The following DSG4 variants were observed in gnomAD, a reference collection of about 807,000 sequenced individuals.
DSG4 encodes desmoglein-4.
Under a neutral mutation model 93.1 loss-of-function variants are expected in DSG4, and 87 were observed. That is an observed-to-expected ratio of 0.93 (90% confidence interval 0.79 to 1.12). DSG4 has a LOEUF of 1.12. Among genes scored for constraint, DSG4 ranks in the 50% most tolerant of loss-of-function variants. The pLI, the probability that DSG4 is intolerant of heterozygous loss-of-function variation, is 0.00. For missense variants in DSG4, 1,373 were observed against 1,285.7 expected, an observed-to-expected ratio of 1.07 and a Z score of -1.04; for synonymous variants, 432 against 452.9, an observed-to-expected ratio of 0.95 and a Z score of 0.59.
chr18:31,398,321 A>G (rs555258989), intron 8 of DSG4, among the ~76,000 whole-genome samples: 8 of 152,328 alleles, frequency 5.3e-5, no homozygotes, highest in Non-Finnish European at 7.3e-5. Context: ...ATGCTGAGCC[A>G]TCTCCAAAGA....
chr18:31,385,021 A>G (rs2144166000), intron 1 of DSG4, 115 bp from the exon 2 acceptor site: 1 of 949,598 alleles, frequency 1.1e-6, no homozygotes, highest in East Asian at 2.6e-5. Flanking sequence ...TCACATCATC[A>G]ACAAAATGTA....
intron 12 of DSG4, among the ~76,000 whole-genome samples, chr18:31,408,500 A>G (rs982338388): frequency 1.3e-5 from 2 of 152,230 alleles, no homozygotes; most frequent in Non-Finnish European, 1.5e-5. Flanking sequence ...TTGTAATAAG[A>G]CTAAAGCTGA....
chr18:31,395,069 G>T (rs1268696479), intron 8 of DSG4, among the ~76,000 whole-genome samples: 1 of 152,066 alleles, frequency 6.6e-6, no homozygotes, highest in Non-Finnish European at 1.5e-5. Flanking sequence ...CAAAATTTGA[G>T]AATAGTATTG....
In DSG4 at chr18:31,400,870, T is replaced by C; in HGVS notation, c.1278-11T>C. ...AAAAGCATGATAACGAACTTTTTTA[T>C]TTAAAAACAGATATATCATAGGGCA... On this transcript the variant is annotated splice_polypyrimidine_tract_variant and intron_variant, in intron 9 of 15. Coordinates refer to ENST00000308128, the MANE Select transcript of DSG4 (RefSeq NM_177986.5). The C allele has an allele frequency of 5.6e-6, 9 of 1,611,336 alleles. No individual in the cohort carries two copies. Among genetic ancestry groups the C allele is most frequent in the Non-Finnish European group, 7.6e-6 (9 of 1,178,506 alleles).
At position 31,413,327 on chromosome 18, in the gene DSG4, T is replaced by C. The variant is rs556031177; in HGVS notation, c.2855T>C (p.Val952Ala). ...TATGATATTCAAGGGAATATTTGTGTACCTGCTGAGTTAGCAGATTACAAC... is the reference window on the plus strand; with the variant it reads ...TATGATATTCAAGGGAATATTTGTGCACCTGCTGAGTTAGCAGATTACAAC... ...PVYDIQGNICVPAELADYNNV... is the reference protein window; with the variant it reads ...PVYDIQGNICAPAELADYNNV... Residue 952 changes from valine (V) to alanine (A), a missense_variant, in exon 16 of 16, where the codon GTA becomes GCA. By Grantham distance (64) the Val-to-Ala change is moderately conservative (BLOSUM62 0). Coordinates refer to ENST00000308128, the MANE Select transcript of DSG4 (RefSeq NM_177986.5). 3.1e-6 allele frequency: 5 copies of C among 1,614,170 alleles called. No individual in the cohort carries two copies. Among genetic ancestry groups the C allele is most frequent in the Non-Finnish European group, 4.2e-6 (5 of 1,180,034 alleles).
intron 8 of DSG4, among the ~76,000 whole-genome samples, chr18:31,393,370 G>A (rs1315886666): frequency 2.0e-5 from 3 of 152,152 alleles, no homozygotes; most frequent in African/African-American, 7.2e-5. Context: ...AGGTTCAGTT[G>A]AATCACCATT....
chr18:31,388,065 G>C (rs190461452), intron 3 of DSG4, among the ~76,000 whole-genome samples: 1 of 152,100 alleles, frequency 6.6e-6, no homozygotes, highest in South Asian at 2.1e-4. Context: ...CTATTTCTGC[G>C]TATGCTAAAA....
chr18:31,396,676 A>C (rs2072309947), intron 8 of DSG4, among the ~76,000 whole-genome samples: 1 of 152,042 alleles, frequency 6.6e-6, no homozygotes, highest in Admixed American at 6.6e-5. Flanking sequence ...TTTTTAGAGA[A>C]AGTGAAACAA....
rs558909982 is a variant in DSG4 at position 31,376,870 on chromosome 18, A to T, written c.-42A>T. 6.2e-7 allele frequency: 1 copy of T among 1,612,264 alleles called. No homozygotes were observed. The highest frequency in any genetic ancestry group is 1.3e-5 in the African/African-American group (1 of 74,998). ...CGGAACTGAGAAGACGAGGGCTCAAATTGAATCTCACAGGATTTGCGTGCA... is the reference window on the plus strand; with the variant it reads ...CGGAACTGAGAAGACGAGGGCTCAATTTGAATCTCACAGGATTTGCGTGCA... On this transcript the variant is annotated 5_prime_UTR_variant, in exon 1 of 16. Coordinates refer to ENST00000308128, the MANE Select transcript of DSG4 (RefSeq NM_177986.5).
chr18:31,389,273 T>G (rs368808933), intron 5 of DSG4, among the ~76,000 whole-genome samples: 3 of 152,290 alleles, frequency 2.0e-5, no homozygotes, highest in East Asian at 3.9e-4. Flanking sequence ...GCTTAAAGAT[T>G]GCTACTGGGC....
rs1275570472 is a variant in DSG4 at position 31,392,158 on chromosome 18, T to A, written c.823T>A (p.Ser275Thr). ...AAAATTGATCCTTGCATTTTAGTAC[T>A]CAGCCAGTATTGAAGAGAATTGTTT... ...NFPTLEKTSY[S>T]ASIEENCLSS... The change falls in exon 8 of 16, where the codon TCA becomes ACA. Residue 275 changes from serine to threonine, a missense_variant. Transcript: ENST00000308128. 1.2e-6 allele frequency: 2 copies of A among 1,613,610 alleles called. No individual in the cohort carries two copies. The highest frequency in any genetic ancestry group is 1.7e-6 in the Non-Finnish European group (2 of 1,179,724).
rs1341922520 is a variant in DSG4 at position 31,399,352 on chromosome 18, T to C, written c.1086T>C (p.Ala362=). 1 of 1,614,136 alleles carries C rather than the reference T, an allele frequency of 6.2e-7. No homozygotes were observed. The highest frequency in any genetic ancestry group is 1.1e-5 in the South Asian group (1 of 91,088). The change falls in exon 9 of 16, where the codon GCT becomes GCC. Residue 362 remains alanine, a synonymous_variant. Transcript: ENST00000308128. ...AAGCTGATTTTCACTACTCCGTTGC[T>C]TCTCAATTCCAAATGCACCCAACCC... ...KNQADFHYSV[A]SQFQMHPTPV...
intron 4 of DSG4, 81 bp downstream of exon 4, chr18:31,388,603 TTAC>T: frequency 2.6e-6 from 4 of 1,555,888 alleles, no homozygotes; most frequent in South Asian, 1.1e-5. Flanking sequence ...AGATAATGGA[TTAC>T]TTTTGATAAA....
At position 31,411,369 on chromosome 18, in the gene DSG4, G is replaced by C. The variant is rs886053706; in HGVS notation, c.2276G>C (p.Arg759Thr). 1.2e-6 allele frequency: 2 copies of C among 1,614,152 alleles called. No individual in the cohort carries two copies. The highest frequency in any genetic ancestry group is 1.7e-6 in the Non-Finnish European group (2 of 1,180,032). The change falls in exon 15 of 16, where the codon AGG (arginine) becomes ACG (threonine). Residue 759 changes from arginine to threonine, a missense_variant. Arg to Thr is a moderately conservative substitution (Grantham distance 71). Coordinates refer to ENST00000308128, the MANE Select transcript of DSG4 (RefSeq NM_177986.5). ...GGAGCCTCAGGGGCCGCAAGGAAGAGGAGCTCTACCATGGGAACCCTGCGG... is the reference window on the plus strand; with the variant it reads ...GGAGCCTCAGGGGCCGCAAGGAAGACGAGCTCTACCATGGGAACCCTGCGG... The part of the protein sequence containing the change: ...AAGASGAARK[R>T]SSTMGTLRDY...
At chr18:31,382,440 A>C (rs1248415233) in intron 1 of DSG4, 1 of 152,124 alleles carries the variant, frequency 6.6e-6, no homozygotes, top group Admixed American at 6.5e-5. Context: ...AAAAAGAAAA[A>C]TTTTTAAAAA....
intron 10 of DSG4, among the ~76,000 whole-genome samples, chr18:31,402,655 C>T (rs1158512684): frequency 2.0e-5 from 3 of 152,022 alleles, no homozygotes; most frequent in Admixed American, 1.3e-4. Context: ...GAGACGACAA[C>T]GTTCTAGTTT....
intron 10 of DSG4, 123 bp downstream of exon 10, chr18:31,401,143 A>T (rs1297514139): frequency 1.2e-6 from 1 of 806,548 alleles, no homozygotes; most frequent in Non-Finnish European, 1.9e-6. Context: ...GACTTATGGA[A>T]AGCCCTAAAC....
chr18:31,408,083 C>T (rs1296885061), intron 12 of DSG4, among the ~76,000 whole-genome samples: 1 of 152,108 alleles, frequency 6.6e-6, no homozygotes, highest in African/African-American at 2.4e-5. Context: ...AGAGGAATAC[C>T]CCTATGGACA....
At chr18:31,391,327 A>C in intron 7 of DSG4, 115 bp downstream of exon 7, 1 of 1,432,896 alleles carries the variant, frequency 7.0e-7, no homozygotes, top group Non-Finnish European at 9.7e-7. Flanking sequence ...GTGTGGACAT[A>C]CTCAACTTTG....
Sources: allele counts gnomAD v4.1 joint callset (sites outside exome capture counted in the v4.1 genomes callset), GRCh38; gene constraint gnomAD v4.1.1; transcripts MANE v1.5; gene names NCBI Gene and HGNC (gene_info 2026-07-23, HGNC 2026-07-21).